The following PLPPR5 variants were observed in gnomAD, a reference collection of about 807,000 sequenced individuals.
PLPPR5 encodes phospholipid phosphatase related 5.
In PLPPR5, 16 loss-of-function variants were observed where a neutral mutation model predicts 33.9. The observed-to-expected ratio is 0.47, with a 90% CI of 0.32 to 0.72. The LOEUF is 0.72. Ranked by LOEUF, PLPPR5 falls within the 30% of genes least tolerant of loss-of-function variation. PLPPR5 has a pLI of 0.03. For synonymous variants in PLPPR5, 163 were observed against 150.3 expected (o/e 1.08, Z -0.62); for missense variants, 301 against 406.7 (o/e 0.74, Z 2.23).
intron 1 of PLPPR5, among the ~76,000 whole-genome samples, chr1:98,961,870 A>C (rs773642492): frequency 2.3e-4 from 35 of 152,162 alleles, no homozygotes; most frequent in Non-Finnish European, 3.7e-4. Context: ...GGTGGACTTC[A>C]TTCCTCCTAA....
chr1:98,914,662 G>T, intron 5 of PLPPR5, 124 bp downstream of exon 5: 1 of 831,386 alleles, frequency 1.2e-6, no homozygotes, highest in Non-Finnish European at 1.7e-6. Flanking sequence ...CTAAATTCTT[G>T]CTAAATATCA....
chr1:98,960,410 G>A (rs1651195007), intron 1 of PLPPR5, among the ~76,000 whole-genome samples: 1 of 151,954 alleles, frequency 6.6e-6, no homozygotes, highest in African/African-American at 2.4e-5. Flanking sequence ...CACCATGTTG[G>A]CCAGGCTGGT....
intron 5 of PLPPR5, among the ~76,000 whole-genome samples, chr1:98,909,257 TC>T (rs1415332926): frequency 7.7e-5 from 8 of 104,196 alleles, no homozygotes; most frequent in Non-Finnish European, 1.6e-4. Flanking sequence ...TCCCCTCCCT[TC>T]CCCCTCCCTC....
At position 98,932,608 on chromosome 1, in the gene PLPPR5, T is replaced by C. The variant is rs890175005; in HGVS notation, c.622-10550A>G. ...TTTTTTAGGTGTGTAGTAGTTACTATATTTTGGAAATGACCTCTAAGAAAC... is the reference window on the plus strand; with the variant it reads ...TTTTTTAGGTGTGTAGTAGTTACTACATTTTGGAAATGACCTCTAAGAAAC... On this transcript the variant is annotated intron_variant, in intron 3 of 5. Transcript: ENST00000263177. 3.3e-5 allele frequency among the ~76,000 whole-genome samples: 5 copies of C among 152,370 alleles called. No homozygotes were observed. The East Asian group carries it at 7.7e-4, about 23-fold the overall frequency.
intron 1 of PLPPR5, among the ~76,000 whole-genome samples, chr1:98,979,008 T>C (rs1651965322): frequency 6.6e-6 from 1 of 152,032 alleles, no homozygotes; most frequent in Non-Finnish European, 1.5e-5. Flanking sequence ...CTTCTCTATA[T>C]CCTGAGTTCA....
At chr1:98,911,490 C>T (rs1398455928) in intron 5 of PLPPR5, among the ~76,000 whole-genome samples, 1 of 151,990 alleles carries the variant, frequency 6.6e-6, no homozygotes, top group African/African-American at 2.4e-5. Context: ...TCAAAGCTCA[C>T]TATAAATAAA....
chr1:98,896,842 T>TA (rs11350963), intron 5 of PLPPR5, among the ~76,000 whole-genome samples: 74 of 150,674 alleles, frequency 4.9e-4, no homozygotes, highest in South Asian at 1.9e-3. Context: ...GTCTGTAATT[T>TA]AAAAAAAAAA....
intron 3 of PLPPR5, among the ~76,000 whole-genome samples, chr1:98,934,775 C>A (rs1557675055): frequency 6.6e-6 from 1 of 152,068 alleles, no homozygotes; most frequent in African/African-American, 2.4e-5. Flanking sequence ...AAGCAACCAC[C>A]AACCCGGACG....
Position 98,921,980 on chromosome 1 carries a change from C to A in PLPPR5, c.700G>T (p.Ala234Ser), listed in dbSNP as rs780769444. The A allele has an allele frequency of 6.2e-7, 1 of 1,613,970 alleles. No individual in the cohort carries two copies. Among genetic ancestry groups the A allele is most frequent in the South Asian group, 1.1e-5 (1 of 91,080 alleles). ...ACTCTGTTGAGTCCAGTAAGAAATG[C>A]CAAACACATTAAGCCCAAGCATAGA... ...PVLCLGLMCL[A>S]FLTGLNRVAE... Residue 234 changes from alanine (A) to serine (S), a missense_variant, in exon 4 of 6, where the codon GCA (alanine) becomes TCA (serine). Coordinates refer to ENST00000263177, the MANE Select transcript of PLPPR5 (RefSeq NM_001037317.2).
intron 5 of PLPPR5, among the ~76,000 whole-genome samples, chr1:98,911,850 C>T (rs1322359973): frequency 6.6e-6 from 1 of 151,992 alleles, no homozygotes; most frequent in Admixed American, 6.6e-5. Flanking sequence ...GCCTTGAACT[C>T]CTGGGCTCAA....
intron 1 of PLPPR5, among the ~76,000 whole-genome samples, chr1:98,981,239 G>GT (rs1652054140): frequency 1.3e-5 from 2 of 151,958 alleles, no homozygotes; most frequent in Admixed American, 1.3e-4. Flanking sequence ...TGTATTACAG[G>GT]TTTACCTCTT....
chr1:98,950,445 A>G (rs191099097), intron 3 of PLPPR5, among the ~76,000 whole-genome samples: 1 of 152,192 alleles, frequency 6.6e-6, no homozygotes, highest in African/African-American at 2.4e-5. Context: ...GAACAGTATG[A>G]TTTATAATTC....
chr1:98,960,868 T>C (rs1651219487), intron 1 of PLPPR5, among the ~76,000 whole-genome samples: 1 of 152,216 alleles, frequency 6.6e-6, no homozygotes, highest in Non-Finnish European at 1.5e-5. Flanking sequence ...GTATCCATGC[T>C]GAGGCCACAC....
intron 1 of PLPPR5, among the ~76,000 whole-genome samples, chr1:98,976,369 G>A (rs1379792916): frequency 6.6e-6 from 1 of 152,050 alleles, no homozygotes; most frequent in Non-Finnish European, 1.5e-5. Context: ...AAAAGGTGAT[G>A]TAAAAATCAT....
intron 5 of PLPPR5, among the ~76,000 whole-genome samples, chr1:98,911,152 G>T (rs1316906131): frequency 6.6e-6 from 1 of 152,164 alleles, no homozygotes; most frequent in Non-Finnish European, 1.5e-5. Flanking sequence ...CATGCTCTGT[G>T]TGAGTGCAGG....
chr1:98,911,389 C>A (rs1649140249), intron 5 of PLPPR5, among the ~76,000 whole-genome samples: 1 of 152,104 alleles, frequency 6.6e-6, no homozygotes, highest in Non-Finnish European at 1.5e-5. Context: ...GCCACTTAAC[C>A]TAATATGTAC....
Position 98,899,656 on chromosome 1 carries a change from TTG to T in PLPPR5, c.934-6554_934-6553del, listed in dbSNP as rs200686259. 3.2e-3 allele frequency among the ~76,000 whole-genome samples: 404 copies of T among 126,990 alleles called. 8 individuals carry two copies. The highest frequency in any genetic ancestry group is 9.8e-3 in the African/African-American group (266 of 27,042). 83.3% of individuals were successfully genotyped at this position (126,990 alleles called of 152,430 possible). A position where few individuals can be genotyped will look rare whatever the true frequency, so the allele number is the denominator to read the frequency against. On this transcript the variant is annotated intron_variant, in intron 5 of 5. Transcript: ENST00000263177. ...TTCAGAAAATACCTGTTTATTTCAC[TTG>T]TTTTTTTTTTTTTTTTTTGAGACGG...
Position 98,957,200 on chromosome 1 carries a change from G to C in PLPPR5, c.238-459C>G, listed in dbSNP as rs528331447. On this transcript the variant is annotated intron_variant, in intron 1 of 5. Coordinates refer to ENST00000263177, the MANE Select transcript of PLPPR5 (RefSeq NM_001037317.2). ...GGGGACTGTTGTGGGGTTGGGGGAG[G>C]GGGGAGGGATAGCATTGGGAGATAT... Among the ~76,000 whole-genome samples, 15 of 145,876 alleles carry C rather than the reference G, an allele frequency of 1.0e-4. 1 individual carries two copies. Among genetic ancestry groups the C allele is most frequent in the African/African-American group, 3.3e-4 (13 of 39,798 alleles).
At chr1:98,995,005 A>G (rs1652580394) in intron 1 of PLPPR5, among the ~76,000 whole-genome samples, 1 of 152,148 alleles carries the variant, frequency 6.6e-6, no homozygotes, top group African/African-American at 2.4e-5. Flanking sequence ...AAAAAATAAC[A>G]GATGCTGGCA....
Sources: allele counts gnomAD v4.1 joint callset (sites outside exome capture counted in the v4.1 genomes callset), GRCh38; gene constraint gnomAD v4.1.1; transcripts MANE v1.5; gene names NCBI Gene and HGNC (gene_info 2026-07-23, HGNC 2026-07-21).